The following SLC17A9 variants were observed in gnomAD, a reference collection of about 807,000 sequenced individuals.
The protein encoded by SLC17A9 is voltage-gated purine nucleotide uniporter SLC17A9.
A neutral mutation model predicts 55.0 loss-of-function variants in SLC17A9; 49 were observed. The observed-to-expected ratio is 0.89, with a 90% CI of 0.71 to 1.13. The LOEUF is 1.13. SLC17A9 is among the 50% of genes most tolerant of loss of function. The pLI, the probability that SLC17A9 is intolerant of heterozygous loss-of-function variation, is 0.00. For synonymous variants in SLC17A9, 256 were observed against 247.4 expected (o/e 1.03, Z -0.32); for missense variants, 526 against 569.3 (o/e 0.92, Z 0.77).
At chr20:62,955,870 A>G (rs2065532689) in intron 1 of SLC17A9, among the ~76,000 whole-genome samples, 1 of 152,234 alleles carries the variant, frequency 6.6e-6, no homozygotes, top group Non-Finnish European at 1.5e-5. Flanking sequence ...GAGCAGCCAG[A>G]TATGGGGCAA....
chr20:62,957,662 GGTGCATGC>G lies in SLC17A9; in HGVS notation c.397+91_397+98del, dbSNP rs967490541. The G allele has an allele frequency of 1.1e-4, 142 of 1,243,876 alleles. 1 individual carries two copies. The African/African-American group carries it at 2.0e-3, about 18-fold the overall frequency. 77.1% of individuals were successfully genotyped at this position (1,243,876 alleles called of 1,614,324 possible). ...GGGGGTGTGCACGGATGTGTGTGCA[GGTGCATGC>G]GTGCATGCAGGTGGTGTACAAGTGT... On this transcript the variant is annotated intron_variant, in intron 3 of 12. Coordinates refer to ENST00000370351, the MANE Select transcript of SLC17A9 (RefSeq NM_022082.4).
chr20:62,963,984 G>A (rs892158403), intron 7 of SLC17A9: 15 of 600,162 alleles, frequency 2.5e-5, no homozygotes, highest in East Asian at 1.7e-4. Flanking sequence ...TGAGGAGGCC[G>A]GTGCAGAAGC....
intron 2 of SLC17A9, 154 bp from the exon 3 acceptor site, chr20:62,957,284 TCTC>T (rs1252203274): frequency 2.0e-6 from 2 of 985,170 alleles, no homozygotes; most frequent in African/African-American, 1.7e-5. Flanking sequence ...GAGTACCTGG[TCTC>T]CTCACGAGGC....
chr20:62,967,377 C>G lies in SLC17A9; in HGVS notation c.1188C>G (p.Thr396=). 2 of 1,614,110 alleles carry G rather than the reference C, an allele frequency of 1.2e-6. No homozygotes were observed. The highest frequency in any genetic ancestry group is 1.3e-5 in the African/African-American group (1 of 75,014). The change falls in exon 13 of 13, where the codon ACC becomes ACG. Residue 396 remains threonine (T), a synonymous_variant. Transcript: ENST00000370351. ...GVCLGGYLME[T]TGSWTCLFNL... is the part of the protein sequence containing the mutation. Reference sequence around the variant, plus strand: ...GTCTAGGCGGCTACTTGATGGAGACCACGGGCTCCTGGACTTGCCTGTTCA... The same window carrying G: ...GTCTAGGCGGCTACTTGATGGAGACGACGGGCTCCTGGACTTGCCTGTTCA...
Position 62,960,514 on chromosome 20 carries a change from C to T in SLC17A9, c.408C>T (p.Phe136=). The change falls in exon 4 of 13, where the codon TTC becomes TTT. Residue 136 remains phenylalanine (F), a synonymous_variant. Coordinates refer to ENST00000370351, the MANE Select transcript of SLC17A9 (RefSeq NM_022082.4). ...CTCCACTTGTTGCAGGGGTTTACTT[C>T]CCTGCCCTGACCAGCCTGCTGTCGC... ...ILMGLLQGVY[F]PALTSLLSQK... 2 of 1,613,194 alleles carry T rather than the reference C, an allele frequency of 1.2e-6. No homozygotes were observed. The highest frequency in any genetic ancestry group is 1.7e-6 in the Non-Finnish European group (2 of 1,179,884).
chr20:62,964,145 G>T lies in SLC17A9; in HGVS notation c.823-83G>T, dbSNP rs558577242. 23 of 1,397,210 alleles carry T rather than the reference G, an allele frequency of 1.6e-5. No homozygotes were observed. The African/African-American group carries it at 2.4e-4, about 15-fold the overall frequency. The allele number at this position is 1,397,210 out of a possible 1,614,324, so 86.6% of individuals were successfully genotyped here. On this transcript the variant is annotated intron_variant, in intron 7 of 12. Transcript: ENST00000370351. ...CTTTCCTGGGCAGTGGTGGGCACGGGGGCGCTGTCCAGCCTGAGTATCCTC... is the reference window on the plus strand; with the variant it reads ...CTTTCCTGGGCAGTGGTGGGCACGGTGGCGCTGTCCAGCCTGAGTATCCTC...
chr20:62,954,048 G>T (rs1050111863), intron 1 of SLC17A9, among the ~76,000 whole-genome samples: 21 of 152,004 alleles, frequency 1.4e-4, no homozygotes, highest in Admixed American at 3.3e-4. Flanking sequence ...TCCCTCCCAG[G>T]CTCGATGTTT....
At chr20:62,957,817 G>GTATA (rs10690602) in intron 3 of SLC17A9, among the ~76,000 whole-genome samples, 1 of 116,042 alleles carries the variant, frequency 8.6e-6, no homozygotes, top group Non-Finnish European at 1.9e-5. Context: ...AAGTGTGTGT[G>GTATA]TATGGGCATG....
intron 9 of SLC17A9, 100 bp from the exon 10 acceptor site, chr20:62,965,510 G>A: frequency 1.8e-6 from 2 of 1,126,532 alleles, no homozygotes; most frequent in Non-Finnish European, 2.6e-6. Context: ...CCTGACCGTT[G>A]TGCGGTGCGC....
chr20:62,957,374 C>T, intron 2 of SLC17A9, 67 bp from the exon 3 acceptor site: 1 of 1,518,328 alleles, frequency 6.6e-7, no homozygotes, highest in Middle Eastern at 1.8e-4. Flanking sequence ...AAGGGCTGCC[C>T]TGAGTCAGGG....
In SLC17A9 at chr20:62,958,994, C is replaced by T. The variant is rs1007248227; in HGVS notation, c.397+1414C>T. Among the ~76,000 whole-genome samples the T allele has an allele frequency of 8.5e-5, 13 of 152,198 alleles. No individual in the cohort carries two copies. The highest frequency in any genetic ancestry group is 1.5e-4 in the Non-Finnish European group (10 of 68,032). ...TCCAGCATCACCGCCTCCCCAGGCA[C>T]TGCCCAGGTCCCACTGCAGGAGCTG... On this transcript the variant is annotated intron_variant, in intron 3 of 12. Transcript: ENST00000370351. This position sits in a 1 kb window ranked among gnomAD's most constrained non-coding sequence, Gnocchi z 4.1.
intron 1 of SLC17A9, among the ~76,000 whole-genome samples, chr20:62,954,075 C>T (rs546936187): frequency 3.6e-4 from 55 of 151,998 alleles, no homozygotes; most frequent in African/African-American, 8.0e-4. Context: ...GAGCCCTTGC[C>T]GCAGCCTTCA....
Position 62,964,217 on chromosome 20 carries a change from C to A in SLC17A9, c.823-11C>A, listed in dbSNP as rs765573476. 5.6e-6 allele frequency: 9 copies of A among 1,613,378 alleles called. No individual in the cohort carries two copies. The highest frequency in any genetic ancestry group is 5.3e-5 in the African/African-American group (4 of 74,928). ...CCCTGGCCCCCTCTAAGGCCAAACT[C>A]CCCCCTGCAGGGCTGGATCTTCAAC... is the stretch of plus-strand genomic sequence containing the variant. On this transcript the variant is annotated splice_polypyrimidine_tract_variant and intron_variant, in intron 7 of 12. Coordinates refer to ENST00000370351, the MANE Select transcript of SLC17A9 (RefSeq NM_022082.4).
At chr20:62,955,378 C>G (rs898276755) in intron 1 of SLC17A9, among the ~76,000 whole-genome samples, 1 of 152,122 alleles carries the variant, frequency 6.6e-6, no homozygotes, top group East Asian at 1.9e-4. Context: ...GAACTCCTGA[C>G]CTTGTGATCC....
intron 3 of SLC17A9, among the ~76,000 whole-genome samples, chr20:62,959,285 C>T (rs2427459): frequency 0.44 from 66,928 of 152,146 alleles, 16,502 homozygotes; most frequent in East Asian, 0.77. Flanking sequence ...AGCCAGACCC[C>T]GTAGGCTCGC....
In SLC17A9 at chr20:62,955,524, C is replaced by G. The variant is rs139492179; in HGVS notation, c.60-1241C>G. ...TGAGGATGTCCCCATGTTTCCCAGG[C>G]TGCTCTTGAACTCTTGGGCTCAAGT... On this transcript the variant is annotated intron_variant, in intron 1 of 12. Coordinates refer to ENST00000370351, the MANE Select transcript of SLC17A9 (RefSeq NM_022082.4). Among the ~76,000 whole-genome samples the G allele has an allele frequency of 1.7e-3, 256 of 152,110 alleles. 2 individuals carry two copies. The highest frequency in any genetic ancestry group is 5.8e-3 in the African/African-American group (240 of 41,504).
Position 62,969,371 on chromosome 20 carries a change from T to TG in SLC17A9, c.*1871_*1872insG, listed in dbSNP as rs1555861400. 2.0e-5 allele frequency: 3 copies of TG among 151,928 alleles called. No homozygotes were observed. The highest frequency in any genetic ancestry group is 7.3e-5 in the African/African-American group (3 of 41,318). The allele number at this position is 151,928 out of a possible 1,614,324, so 9.4% of individuals were successfully genotyped here. On this transcript the variant is annotated 3_prime_UTR_variant, in exon 13 of 13. Transcript: ENST00000370351. Reference sequence around the variant, plus strand: ...AGCTCTGTGCTCATTAAAGGCTAGCTCCCCGTTGCTCTCCCCCAGCCCCGG... The same window carrying TG: ...AGCTCTGTGCTCATTAAAGGCTAGCTGCCCCGTTGCTCTCCCCCAGCCCCGG...
At position 62,960,488 on chromosome 20, in the gene SLC17A9, C is replaced by T. The variant is rs769536800; in HGVS notation, c.398-16C>T. ...CCTGGATGGACCCTGAGAGACCCTC[C>T]CTCCACTTGTTGCAGGGGTTTACTT... On this transcript the variant is annotated splice_polypyrimidine_tract_variant and intron_variant, in intron 3 of 12. Coordinates refer to ENST00000370351, the MANE Select transcript of SLC17A9 (RefSeq NM_022082.4). The T allele has an allele frequency of 9.3e-6, 15 of 1,608,282 alleles. No homozygotes were observed. Among genetic ancestry groups the T allele is most frequent in the African/African-American group, 1.3e-5 (1 of 74,900 alleles).
intron 7 of SLC17A9, 141 bp downstream of exon 7, chr20:62,963,821 C>T: frequency 1.3e-6 from 1 of 775,892 alleles, no homozygotes; most frequent in Non-Finnish European, 2.1e-6. Flanking sequence ...CACTGCCAGG[C>T]TCTTCCTCTG....
Sources: gnomAD v4.1 joint callset for allele counts (sites outside exome capture counted in the v4.1 genomes callset) on GRCh38, gnomAD v4.1.1 for gene constraint, Gnocchi (gnomAD v3.1) non-coding constraint, MANE v1.5 for transcripts, NCBI Gene and HGNC (gene_info 2026-07-23, HGNC 2026-07-21) for gene names.